TNFAIP8: variants seen among roughly 807,000 people sequenced by gnomAD.
The protein encoded by TNFAIP8 is TNF alpha induced protein 8.
Under a neutral mutation model 13.3 loss-of-function variants are expected in TNFAIP8, and 7 were observed. That is an observed-to-expected ratio of 0.52 (90% CI 0.30 to 0.99). TNFAIP8 has a LOEUF of 0.99. Among genes scored for constraint, TNFAIP8 ranks in the 50% least tolerant of loss-of-function variants. The pLI is 0.07. For missense variants in TNFAIP8, 258 were observed against 236.9 expected, an observed-to-expected ratio of 1.09 and a Z score of -0.58; for synonymous variants, 94 against 87.6, an observed-to-expected ratio of 1.07 and a Z score of -0.41.
chr5:119,320,421 A>G (rs1284623750), intron 1 of TNFAIP8, among the ~76,000 whole-genome samples: 1 of 152,136 alleles, frequency 6.6e-6, no homozygotes, highest in Non-Finnish European at 1.5e-5. Context: ...AAATTTCTCT[A>G]TTCAATGTAG....
intron 1 of TNFAIP8, among the ~76,000 whole-genome samples, chr5:119,297,208 T>A (rs1251421934): frequency 6.6e-6 from 1 of 152,174 alleles, no homozygotes; most frequent in Non-Finnish European, 1.5e-5. Flanking sequence ...AGGGTGGCAA[T>A]TTTGGATCTT....
At chr5:119,351,792 T>TC (rs1334243574), upstream of TNFAIP8, among the ~76,000 whole-genome samples, 2 of 146,198 alleles carry the variant, frequency 1.4e-5, no homozygotes, top group African/African-American at 2.6e-5. Context: ...CTTTTTCTTT[T>TC]TTTCTTTTTT....
intron 1 of TNFAIP8, among the ~76,000 whole-genome samples, chr5:119,334,624 C>CGTGTGTGTGTGTGTGTGT (rs59714206): frequency 8.8e-4 from 119 of 135,802 alleles, no homozygotes; most frequent in African/African-American, 3.1e-3. Flanking sequence ...GTGATCCTTT[C>CGTGTGTGTGTGTGTGTGT]GTGTGTGTGT....
At chr5:119,276,516 G>A (rs892196253) in intron 1 of TNFAIP8, among the ~76,000 whole-genome samples, 17 of 152,114 alleles carry the variant, frequency 1.1e-4, no homozygotes, top group African/African-American at 4.1e-4. Flanking sequence ...ACCACAGACT[G>A]GTGGCTTAAA....
intron 1 of TNFAIP8, among the ~76,000 whole-genome samples, chr5:119,286,097 A>C (rs1748769525): frequency 6.6e-6 from 1 of 152,148 alleles, no homozygotes. Context: ...CAAAGGAGGG[A>C]ATTTAGATTT....
At chr5:119,286,278 G>A (rs1748773977) in intron 1 of TNFAIP8, among the ~76,000 whole-genome samples, 1 of 152,044 alleles carries the variant, frequency 6.6e-6, no homozygotes, top group South Asian at 2.1e-4. Flanking sequence ...AGAAATCTCT[G>A]GTTATTGATT....
At chr5:119,341,346 C>T (rs746964512) in intron 1 of TNFAIP8, among the ~76,000 whole-genome samples, 2 of 152,082 alleles carry the variant, frequency 1.3e-5, no homozygotes, top group African/African-American at 4.8e-5. Context: ...AATCTCAAGT[C>T]GTGAGACCTG....
At chr5:119,340,765 T>G (rs1750708316) in intron 1 of TNFAIP8, among the ~76,000 whole-genome samples, 1 of 152,150 alleles carries the variant, frequency 6.6e-6, no homozygotes, top group South Asian at 2.1e-4. Context: ...GCAGATGTCT[T>G]AAATAGCCAC....
At chr5:119,279,516 A>G (rs1227059123) in intron 1 of TNFAIP8, among the ~76,000 whole-genome samples, 1 of 152,146 alleles carries the variant, frequency 6.6e-6, no homozygotes. Flanking sequence ...CCGACTGTTC[A>G]TTGCAATTCT....
chr5:119,367,108 T>G (rs937085373), intron 1 of TNFAIP8, among the ~76,000 whole-genome samples: 68 of 152,158 alleles, frequency 4.5e-4, no homozygotes, highest in African/African-American at 1.6e-3. Flanking sequence ...ATTCTTGCAA[T>G]CCTTAATTGT....
At chr5:119,282,224 T>C (rs1748653285) in intron 1 of TNFAIP8, among the ~76,000 whole-genome samples, 1 of 152,224 alleles carries the variant, frequency 6.6e-6, no homozygotes, top group Non-Finnish European at 1.5e-5. Flanking sequence ...ATAAGCCACT[T>C]ACTCTCAGTA....
chr5:119,284,682 A>G lies in TNFAIP8; in HGVS notation c.1+15775A>G, dbSNP rs555850291. On this transcript the variant is annotated intron_variant, in intron 1 of 1. Transcript: ENST00000274456. ...GGTGACAGAGCGAGGCTCCATCTAG[A>G]AAAAAAAAAAAAATTCTGTAGCATA... 1.1e-3 allele frequency among the ~76,000 whole-genome samples: 158 copies of G among 139,516 alleles called. 2 individuals are homozygous for G. The East Asian group carries it at 0.031, about 27-fold the overall frequency. 91.5% of individuals were successfully genotyped at this position (139,516 alleles called of 152,430 possible). A position where few individuals can be genotyped will look rare whatever the true frequency, so the allele number is the denominator to read the frequency against.
Position 119,292,683 on chromosome 5 carries a change from T to TACAC in TNFAIP8, c.1+23777_1+23778insCACA, listed in dbSNP as rs1276661817. On this transcript the variant is annotated intron_variant, in intron 1 of 1. Coordinates refer to the TNFAIP8 transcript ENST00000274456. ...ATATATATATATATATATATATATA[T>TACAC]ATACACACACACACAATGAAATACT... Among the ~76,000 whole-genome samples, 22 of 36,630 alleles carry TACAC rather than the reference T, an allele frequency of 6.0e-4. 2 individuals are homozygous for TACAC. In the East Asian group the frequency reaches 0.017, roughly 29 times the overall value. 24.0% of individuals were successfully genotyped at this position (36,630 alleles called of 152,430 possible). A position where few individuals can be genotyped will look rare whatever the true frequency, so the allele number is the denominator to read the frequency against.
At chr5:119,306,861 C>G (rs1581590817) in intron 1 of TNFAIP8, among the ~76,000 whole-genome samples, 1 of 152,074 alleles carries the variant, frequency 6.6e-6, no homozygotes, top group Admixed American at 6.6e-5. Context: ...TAAAATAAAA[C>G]AAATAAGACA....
Position 119,272,825 on chromosome 5 carries a change from A to G in TNFAIP8, c.1+3918A>G, listed in dbSNP as rs149881028. Among the ~76,000 whole-genome samples, 5 of 152,278 alleles carry G rather than the reference A, an allele frequency of 3.3e-5. No individual in the cohort carries two copies. The East Asian group carries it at 9.7e-4, about 29-fold the overall frequency. ...TTTTCCTAGGCTTGCCCTTTTCCGT[A>G]TAGGACAAGGGGGATTAAAAACCAA... On this transcript the variant is annotated intron_variant, in intron 1 of 1. Coordinates refer to the TNFAIP8 transcript ENST00000274456.
chr5:119,382,232 C>T (rs1362189324), intron 1 of TNFAIP8, among the ~76,000 whole-genome samples: 2 of 152,180 alleles, frequency 1.3e-5, no homozygotes, highest in Non-Finnish European at 2.9e-5. Context: ...ATCACCCCAT[C>T]AGCAAAAACT....
At chr5:119,374,451 AG>A (rs1381523730) in intron 1 of TNFAIP8, among the ~76,000 whole-genome samples, 28 of 152,350 alleles carry the variant, frequency 1.8e-4, no homozygotes, top group African/African-American at 6.3e-4. Context: ...ATGACTTTTC[AG>A]GGGAAGAGAG....
At chr5:119,357,100 C>G (rs541581818) in intron 1 of TNFAIP8, among the ~76,000 whole-genome samples, 2 of 152,204 alleles carry the variant, frequency 1.3e-5, no homozygotes, top group Admixed American at 6.5e-5. Context: ...GCCCTTGAAA[C>G]TTGTCCTCTT....
chr5:119,278,982 A>G (rs1422951556), intron 1 of TNFAIP8, among the ~76,000 whole-genome samples: 1 of 152,220 alleles, frequency 6.6e-6, no homozygotes, highest in East Asian at 1.9e-4. Flanking sequence ...CCAGAAAGGT[A>G]TCCATCATAT....
Sources: gnomAD v4.1 joint callset for allele counts (sites outside exome capture counted in the v4.1 genomes callset) on GRCh38, gnomAD v4.1.1 for gene constraint, MANE v1.5 for transcripts, NCBI Gene and HGNC (gene_info 2026-07-23, HGNC 2026-07-21) for gene names.